The following TBC1D30 variants were observed in gnomAD, a reference collection of about 807,000 sequenced individuals.
TBC1D30 encodes TBC1 domain family member 30.
Under a neutral mutation model 63.2 loss-of-function variants are expected in TBC1D30, and 31 were observed. The observed-to-expected ratio is 0.49, with a 90% CI of 0.37 to 0.66. The LOEUF is 0.66. TBC1D30 is among the 30% of genes least tolerant of loss of function. TBC1D30 has a pLI of 0.00. For synonymous variants in TBC1D30, 307 were observed against 361.5 expected (o/e 0.85, Z 1.71); for missense variants, 810 against 953.6 (o/e 0.85, Z 1.98).
At chr12:64,874,965 G>C in intron 11 of TBC1D30, 36 bp from the exon 12 acceptor site, 1 of 1,503,916 alleles carries the variant, frequency 6.6e-7, no homozygotes, top group South Asian at 1.3e-5. Context: ...GTTTCTTTGT[G>C]GTACACTTCA....
chr12:64,790,738 G>A (rs767981803), intron 2 of TBC1D30, among the ~76,000 whole-genome samples: 1 of 152,174 alleles, frequency 6.6e-6, no homozygotes, highest in Non-Finnish European at 1.5e-5. Context: ...CTGATGGTTT[G>A]TGAAATAGGT....
chr12:64,781,691 CTT>C (rs34191075), intron 1 of TBC1D30, among the ~76,000 whole-genome samples: 2 of 145,116 alleles, frequency 1.4e-5, no homozygotes. Flanking sequence ...CTGTTCTTTC[CTT>C]TTTTTTTTTT....
At chr12:64,785,484 G>A (rs1211272294) in intron 1 of TBC1D30, among the ~76,000 whole-genome samples, 1 of 150,736 alleles carries the variant, frequency 6.6e-6, no homozygotes, top group Non-Finnish European at 1.5e-5. Context: ...TAGCTGTTAG[G>A]TTTATTATTA....
chr12:64,824,748 T>G lies in TBC1D30; in HGVS notation c.-132T>G. The G allele has an allele frequency of 7.8e-7, 1 of 1,275,538 alleles. No individual in the cohort carries two copies. Among genetic ancestry groups the G allele is most frequent in the South Asian group, 1.6e-5 (1 of 62,626 alleles). 79.0% of individuals were successfully genotyped at this position (1,275,538 alleles called of 1,614,324 possible). ...CCGTGACCCTCCAGCACCAGCCGGCTGTGCGCTCCCTGCTCCCACGGGCCG... is the reference window on the plus strand; with the variant it reads ...CCGTGACCCTCCAGCACCAGCCGGCGGTGCGCTCCCTGCTCCCACGGGCCG... On this transcript the variant is annotated 5_prime_UTR_variant, in exon 1 of 12. Coordinates refer to ENST00000539867, the MANE Select transcript of TBC1D30 (RefSeq NM_015279.2).
intron 2 of TBC1D30, among the ~76,000 whole-genome samples, chr12:64,807,918 G>GTTTTTTTTTTTTTGTTTTT (rs1872971359): frequency 1.1e-5 from 1 of 93,526 alleles, no homozygotes; most frequent in Non-Finnish European, 1.9e-5. Flanking sequence ...CCTAATTTAA[G>GTTTTTTTTTTTTTGTTTTT]TTTTTTTTTT....
intron 1 of TBC1D30, among the ~76,000 whole-genome samples, chr12:64,826,588 T>A (rs1202869662): frequency 6.6e-6 from 1 of 152,150 alleles, no homozygotes; most frequent in Non-Finnish European, 1.5e-5. Context: ...CCCGTGGCCG[T>A]TGTTATCACC....
At chr12:64,790,151 T>C (rs567006783) in intron 2 of TBC1D30, among the ~76,000 whole-genome samples, 5 of 152,328 alleles carry the variant, frequency 3.3e-5, no homozygotes, top group African/African-American at 9.6e-5. Context: ...TGAGCAAGAA[T>C]AAATTTATAA....
At chr12:64,803,466 G>A (rs1872697270) in intron 2 of TBC1D30, among the ~76,000 whole-genome samples, 1 of 152,136 alleles carries the variant, frequency 6.6e-6, no homozygotes, top group Non-Finnish European at 1.5e-5. Flanking sequence ...CACTCTGATG[G>A]TAGTTTCTTT....
chr12:64,807,593 C>T (rs943956678), intron 2 of TBC1D30, among the ~76,000 whole-genome samples: 4 of 152,136 alleles, frequency 2.6e-5, no homozygotes, highest in African/African-American at 9.7e-5. Flanking sequence ...GTAGTTGGTG[C>T]TGTATTTGCT....
In TBC1D30 at chr12:64,824,721, C is replaced by T; in HGVS notation, c.-159C>T. The T allele has an allele frequency of 9.7e-7, 1 of 1,032,798 alleles. No individual in the cohort carries two copies. The highest frequency in any genetic ancestry group is 1.3e-6 in the Non-Finnish European group (1 of 745,014). 64.0% of individuals were successfully genotyped at this position (1,032,798 alleles called of 1,614,324 possible). A position where few individuals can be genotyped will look rare whatever the true frequency, so the allele number is the denominator to read the frequency against. On this transcript the variant is annotated 5_prime_UTR_variant, in exon 1 of 12. Coordinates refer to ENST00000539867, the MANE Select transcript of TBC1D30 (RefSeq NM_015279.2). ...GCGGCTCCCGCGGTGCCCCGTAAGT[C>T]CCCGTGACCCTCCAGCACCAGCCGG...
chr12:64,810,140 A>C (rs1873122600), intron 2 of TBC1D30, among the ~76,000 whole-genome samples: 1 of 152,096 alleles, frequency 6.6e-6, no homozygotes, highest in Non-Finnish European at 1.5e-5. Context: ...GGCCTCGGAG[A>C]AATGAAAAGT....
chr12:64,841,154 G>A (rs116849972), intron 7 of TBC1D30, among the ~76,000 whole-genome samples: 240 of 152,190 alleles, frequency 1.6e-3, no homozygotes, highest in Non-Finnish European at 3.0e-3. Context: ...ACTTCCTGTT[G>A]GAAAAACCAT....
exon 1 of TBC1D30, chr12:64,780,799 G>T: frequency 1.0e-6 from 1 of 991,214 alleles, no homozygotes; most frequent in Admixed American, 6.1e-5. Flanking sequence ...GCAGCCGCGC[G>T]CCGGGGACCA....
upstream of TBC1D30, among the ~76,000 whole-genome samples, chr12:64,821,160 C>A (rs944215186): frequency 1.3e-5 from 2 of 152,214 alleles, no homozygotes; most frequent in African/African-American, 4.8e-5. Context: ...TCAGCTTTGG[C>A]AGTCTGGAAA....
intron 1 of TBC1D30, among the ~76,000 whole-genome samples, chr12:64,781,818 G>A (rs2136290545): frequency 6.6e-6 from 1 of 151,472 alleles, no homozygotes; most frequent in Admixed American, 6.6e-5. Context: ...TTCTATTTCT[G>A]CCAGAGCGTA....
At chr12:64,871,698 A>C (rs1878669152) in intron 11 of TBC1D30, among the ~76,000 whole-genome samples, 2 of 152,224 alleles carry the variant, frequency 1.3e-5, no homozygotes, top group Admixed American at 1.3e-4. Context: ...ACATTTCCTC[A>C]TTTTGTCCTT....
intron 9 of TBC1D30, 90 bp downstream of exon 9, chr12:64,864,870 G>T: frequency 2.1e-6 from 2 of 932,502 alleles, no homozygotes; most frequent in Admixed American, 2.5e-5. Context: ...AAGCCCCAGA[G>T]ATATGTTAAA....
chr12:64,862,430 G>A (rs2136454120), intron 8 of TBC1D30, among the ~76,000 whole-genome samples: 1 of 152,344 alleles, frequency 6.6e-6, no homozygotes. Context: ...GAGGATGAAA[G>A]TGCAATGGAG....
At chr12:64,805,699 G>A (rs1266414555) in intron 2 of TBC1D30, among the ~76,000 whole-genome samples, 1 of 152,090 alleles carries the variant, frequency 6.6e-6, no homozygotes, top group Non-Finnish European at 1.5e-5. Context: ...CGGGCGTGGT[G>A]GCGGGCACCT....
Sources: gnomAD v4.1 joint callset for allele counts (sites outside exome capture counted in the v4.1 genomes callset) on GRCh38, gnomAD v4.1.1 for gene constraint, MANE v1.5 for transcripts, NCBI Gene and HGNC (gene_info 2026-07-23, HGNC 2026-07-21) for gene names.